The following KCNH8 variants were observed in gnomAD, a reference collection of about 807,000 sequenced individuals.
The protein encoded by KCNH8 is potassium voltage-gated channel subfamily H member 8.
Under a neutral mutation model 103.6 loss-of-function variants are expected in KCNH8, and 70 were observed. The observed-to-expected ratio is 0.68, with a 90% CI of 0.56 to 0.82. The LOEUF (loss-of-function observed/expected upper bound fraction) is 0.82, where lower values mean the gene tolerates loss of function less well. Ranked by LOEUF, KCNH8 falls within the 40% of genes least tolerant of loss-of-function variation. KCNH8 has a pLI of 0.00. For missense variants in KCNH8, 1,217 were observed against 1,329.9 expected (o/e 0.92, Z 1.32); for synonymous variants, 498 against 489.4 (o/e 1.02, Z -0.23).
intron 1 of KCNH8, among the ~76,000 whole-genome samples, chr3:19,207,132 G>T (rs916938935): frequency 1.3e-4 from 19 of 151,788 alleles, no homozygotes; most frequent in Non-Finnish European, 2.4e-4. Context: ...CAAGTGGGCC[G>T]GCAATTGAAC....
chr3:19,277,911 A>G (rs565370202), intron 2 of KCNH8, among the ~76,000 whole-genome samples: 1 of 152,280 alleles, frequency 6.6e-6, no homozygotes, highest in Admixed American at 6.5e-5. Flanking sequence ...TAAAATTCTC[A>G]TGAAATGTCT....
intron 7 of KCNH8, among the ~76,000 whole-genome samples, chr3:19,411,482 T>C (rs1407553775): frequency 2.0e-5 from 3 of 151,992 alleles, no homozygotes; most frequent in Non-Finnish European, 4.4e-5. Flanking sequence ...TTCTCCCACC[T>C]TCTATTCAGC....
chr3:19,305,557 T>C (rs2065119129), intron 3 of KCNH8, among the ~76,000 whole-genome samples: 1 of 152,112 alleles, frequency 6.6e-6, no homozygotes, highest in Non-Finnish European at 1.5e-5. Context: ...GATTAGTTAA[T>C]ATTCCACTTG....
At chr3:19,328,948 A>G (rs1418145866) in intron 3 of KCNH8, among the ~76,000 whole-genome samples, 6 of 152,208 alleles carry the variant, frequency 3.9e-5, no homozygotes, top group Non-Finnish European at 8.8e-5. Context: ...TGTTCTAAAA[A>G]GTAAATAACC....
At chr3:19,490,554 CAG>C (rs576016329) in intron 11 of KCNH8, among the ~76,000 whole-genome samples, 151 of 152,332 alleles carry the variant, frequency 9.9e-4, no homozygotes, top group African/African-American at 3.5e-3. Flanking sequence ...CCGATTAGGT[CAG>C]GGGTCGATCT....
At chr3:19,340,946 A>G (rs1010531713) in intron 3 of KCNH8, among the ~76,000 whole-genome samples, 1 of 152,164 alleles carries the variant, frequency 6.6e-6, no homozygotes, top group Admixed American at 6.6e-5. Flanking sequence ...GTTTTAGAGC[A>G]GGAATGAAAG....
intron 5 of KCNH8, among the ~76,000 whole-genome samples, chr3:19,377,432 T>C (rs1042486881): frequency 6.6e-6 from 1 of 152,218 alleles, no homozygotes; most frequent in African/African-American, 2.4e-5. Flanking sequence ...AGGGTGGTTA[T>C]AGCCATTTAA....
chr3:19,500,194 G>A (rs1275707327), intron 11 of KCNH8, among the ~76,000 whole-genome samples: 1 of 152,128 alleles, frequency 6.6e-6, no homozygotes, highest in East Asian at 1.9e-4. Flanking sequence ...GACAAAGAAC[G>A]CCATTACTTA....
intron 9 of KCNH8, 46 bp downstream of exon 9, chr3:19,450,351 C>G: frequency 6.9e-7 from 1 of 1,449,218 alleles, no homozygotes; most frequent in Non-Finnish European, 9.7e-7. Context: ...AGCACATATT[C>G]TAAGGTAAAC....
chr3:19,451,339 C>T lies in KCNH8; in HGVS notation c.1760C>T (p.Ala587Val), dbSNP rs1384769334. 2 of 1,613,564 alleles carry T rather than the reference C, an allele frequency of 1.2e-6. No individual in the cohort carries two copies. Among genetic ancestry groups the T allele is most frequent in the Non-Finnish European group, 1.7e-6 (2 of 1,179,584 alleles). Residue 587 changes from alanine (A) to valine (V), a missense_variant, in exon 10 of 16, where the codon GCC becomes GTC. Ala to Val is a moderately conservative substitution (Grantham distance 64). This residue lies in a region of KCNH8 where 415 missense variants were observed against 577.4 expected (regional missense o/e 0.72). Transcript: ENST00000328405. ...CTGCGTCAAGGGGATGCTTTGCAGG[C>T]CATCTACTTTGTATGCTCGGGCTCC... ...YLLRQGDALQ[A>V]IYFVCSGSME...
chr3:19,351,534 C>T lies in KCNH8; in HGVS notation c.811+3569C>T, dbSNP rs539518359. ...GAAGCCCATCAGACTAACAGCGGAT[C>T]TCTTGGCAGAAACTCTACAAGCCAG... On this transcript the variant is annotated intron_variant, in intron 5 of 15. Transcript: ENST00000328405. 2.1e-4 allele frequency among the ~76,000 whole-genome samples: 32 copies of T among 152,312 alleles called. No homozygotes were observed. The South Asian group carries it at 6.4e-3, about 31-fold the overall frequency.
At chr3:19,403,384 A>G (rs1386544335) in intron 7 of KCNH8, among the ~76,000 whole-genome samples, 3 of 62,256 alleles carry the variant, frequency 4.8e-5, no homozygotes, top group East Asian at 7.5e-4. Flanking sequence ...ATATATATAT[A>G]TATATATATA....
intron 1 of KCNH8, among the ~76,000 whole-genome samples, chr3:19,234,572 C>T (rs1474731565): frequency 1.3e-5 from 2 of 152,228 alleles, no homozygotes; most frequent in Non-Finnish European, 2.9e-5. Flanking sequence ...GCGGAACTCC[C>T]GCTGGCCCGC....
intron 1 of KCNH8, among the ~76,000 whole-genome samples, chr3:19,169,332 C>T (rs1248124829): frequency 6.8e-6 from 1 of 147,818 alleles, no homozygotes; most frequent in Non-Finnish European, 1.5e-5. Flanking sequence ...GATCTTGGCT[C>T]ACTGCAAGCT....
Position 19,326,379 on chromosome 3 carries a change from AT to A in KCNH8, c.443-16207del, listed in dbSNP as rs1559477820. Among the ~76,000 whole-genome samples, 21 of 145,374 alleles carry A rather than the reference AT, an allele frequency of 1.4e-4. 1 individual carries two copies. Among genetic ancestry groups the A allele is most frequent in the African/African-American group, 5.1e-4 (20 of 39,264 alleles). ...TAAATATATATATATATATATATATATATAATAAATGATTATGATTTATTTT... is the reference window on the plus strand; with the variant it reads ...TAAATATATATATATATATATATATAATAATAAATGATTATGATTTATTTT... On this transcript the variant is annotated intron_variant, in intron 3 of 15. Transcript: ENST00000328405.
intron 1 of KCNH8, among the ~76,000 whole-genome samples, chr3:19,173,156 G>A (rs2125195359): frequency 6.6e-6 from 1 of 151,074 alleles, no homozygotes. Context: ...CCTTAGGAGA[G>A]ATCCTGGCAT....
In KCNH8 at chr3:19,148,712, C is replaced by T. The variant is rs766272991; in HGVS notation, c.-8C>T. 1 of 1,613,906 alleles carries T rather than the reference C, an allele frequency of 6.2e-7. No homozygotes were observed. Among genetic ancestry groups the T allele is most frequent in the Non-Finnish European group, 8.5e-7 (1 of 1,179,788 alleles). ...CTTTGATGGAGAATTTCACACCACG[C>T]TGGAAAAATGCCGGTTATGAAAGGA... On this transcript the variant is annotated 5_prime_UTR_variant, in exon 1 of 16. Transcript: ENST00000328405.
At chr3:19,374,724 ATT>A (rs1428736783) in intron 5 of KCNH8, among the ~76,000 whole-genome samples, 26 of 151,360 alleles carry the variant, frequency 1.7e-4, no homozygotes, top group African/African-American at 6.3e-4. Flanking sequence ...TTTTGGCATG[ATT>A]TTGCAGTGGC....
intron 3 of KCNH8, among the ~76,000 whole-genome samples, chr3:19,285,160 A>T (rs1047804252): frequency 5.3e-5 from 8 of 151,790 alleles, no homozygotes; most frequent in East Asian, 1.9e-4. Flanking sequence ...TAATTTAATT[A>T]AATTCATTTT....
Sources: allele counts gnomAD v4.1 joint callset (sites outside exome capture counted in the v4.1 genomes callset), GRCh38; gene constraint gnomAD v4.1.1; regional missense constraint gnomAD v4.1.1; transcripts MANE v1.5; gene names NCBI Gene and HGNC (gene_info 2026-07-23, HGNC 2026-07-21).